TPCN1: variants seen among roughly 807,000 people sequenced by gnomAD.
The protein encoded by TPCN1 is two pore segment channel 1.
TPCN1 carries 52 observed loss-of-function variants against 108.8 expected under a neutral mutation model. The observed-to-expected ratio is 0.48, with a 90% CI of 0.38 to 0.60. The LOEUF (loss-of-function observed/expected upper bound fraction) is 0.60. Ranked by LOEUF, TPCN1 falls within the 20% of genes least tolerant of loss-of-function variation. The pLI, the probability that TPCN1 is intolerant of heterozygous loss-of-function variation, is 0.00. For synonymous variants in TPCN1, 446 were observed against 433.7 expected (o/e 1.03, Z -0.35); for missense variants, 806 against 1,072.8 (o/e 0.75, Z 3.47).
chr12:113,237,290 T>C (rs1257155328), intron 2 of TPCN1, among the ~76,000 whole-genome samples: 1 of 151,958 alleles, frequency 6.6e-6, no homozygotes, highest in Non-Finnish European at 1.5e-5. Flanking sequence ...TCTCTGTGTC[T>C]GTCTCCCTGA....
chr12:113,260,355 T>G lies in TPCN1; in HGVS notation c.113-13T>G. The G allele has an allele frequency of 1.3e-6, 2 of 1,488,028 alleles. No individual in the cohort carries two copies. The highest frequency in any genetic ancestry group is 1.8e-6 in the Non-Finnish European group (2 of 1,121,302). The allele number at this position is 1,488,028 out of a possible 1,614,324, so 92.2% of individuals were successfully genotyped here. On this transcript the variant is annotated splice_polypyrimidine_tract_variant and intron_variant, in intron 2 of 27. Coordinates refer to ENST00000335509, the MANE Select transcript of TPCN1 (RefSeq NM_017901.6). ...CTGGGTGCCAAGTGAATCTCTCTCC[T>G]CTTCCAATGCAGATGGCGGCAGCTA... is the stretch of plus-strand genomic sequence containing the variant.
chr12:113,276,791 G>C (rs1593177350), intron 10 of TPCN1, 128 bp from the exon 11 acceptor site: 1 of 688,514 alleles, frequency 1.5e-6, no homozygotes, highest in East Asian at 2.5e-5. Flanking sequence ...AGGCGAGAGG[G>C]TCTCCCCAGG....
intron 2 of TPCN1, chr12:113,244,361 G>A (rs1437667428): frequency 1.0e-6 from 1 of 985,352 alleles, no homozygotes; most frequent in South Asian, 4.7e-5. Context: ...CCTTTCTGAA[G>A]GTTGGTACAT....
rs1303539585 is a variant in TPCN1 at position 113,272,443 on chromosome 12, C to T, written c.749-215C>T. The stretch of plus-strand genomic sequence containing the variant: ...TTGAAAGAACAGAGCCGATAGTGCC[C>T]GGCACATTGCTGTAGGGCAGCAAGC... On this transcript the variant is annotated intron_variant, in intron 7 of 27. Transcript: ENST00000335509. The surrounding 1 kb of genome is among the most constrained non-coding windows in gnomAD (Gnocchi z 4.1). Among the ~76,000 whole-genome samples the T allele has an allele frequency of 3.9e-5, 6 of 152,186 alleles. No individual in the cohort carries two copies. The highest frequency in any genetic ancestry group is 2.1e-4 in the South Asian group (1 of 4,832).
rs779745565 is a variant in TPCN1 at position 113,272,325 on chromosome 12, G to T, written c.749-333G>T. 2.6e-5 allele frequency among the ~76,000 whole-genome samples: 4 copies of T among 152,252 alleles called. No homozygotes were observed. Among genetic ancestry groups the T allele is most frequent in the Non-Finnish European group, 5.9e-5 (4 of 68,048 alleles). ...TTGCGAAACAGCAGCCTGGATTCCA[G>T]ATCCAGCCTACAGATGGGTTTTGTT... On this transcript the variant is annotated intron_variant, in intron 7 of 27. Coordinates refer to ENST00000335509, the MANE Select transcript of TPCN1 (RefSeq NM_017901.6). This position sits in a 1 kb window ranked among gnomAD's most constrained non-coding sequence, Gnocchi z 4.1.
intron 4 of TPCN1, 62 bp from the exon 5 acceptor site, chr12:113,267,781 G>T: frequency 1.7e-6 from 2 of 1,166,692 alleles, no homozygotes; most frequent in Non-Finnish European, 2.6e-6. Flanking sequence ...GGAGGGTTGG[G>T]CAAAGAGGAG....
chr12:113,267,227 G>T (rs994611025), intron 4 of TPCN1, among the ~76,000 whole-genome samples: 1 of 152,186 alleles, frequency 6.6e-6, no homozygotes, highest in Non-Finnish European at 1.5e-5. Flanking sequence ...ATGAGGATGA[G>T]AGTTTTAGGG....
Position 113,296,324 on chromosome 12 carries a change from C to T in TPCN1, c.*248C>T. 1 of 496,398 alleles carries T rather than the reference C, an allele frequency of 2.0e-6. No individual in the cohort carries two copies. Among genetic ancestry groups the T allele is most frequent in the Non-Finnish European group, 3.5e-6 (1 of 283,486 alleles). The allele number at this position is 496,398 out of a possible 1,614,324, so 30.7% of individuals were successfully genotyped here. A position where few individuals can be genotyped will look rare whatever the true frequency, so the allele number is the denominator to read the frequency against. ...TCTGAGCTCTTCCTACTGTGGAAGG[C>T]TCCAGAAGGCCCTTCACAAGGAGAC... On this transcript the variant is annotated 3_prime_UTR_variant, in exon 28 of 28. Coordinates refer to ENST00000335509, the MANE Select transcript of TPCN1 (RefSeq NM_017901.6).
At chr12:113,260,725 A>G (rs1012057846) in intron 3 of TPCN1, among the ~76,000 whole-genome samples, 11 of 152,054 alleles carry the variant, frequency 7.2e-5, no homozygotes, top group African/African-American at 2.4e-4. Context: ...AACCCCCACA[A>G]TTTCCGGAGT....
At chr12:113,294,273 G>C (rs1555271567) in intron 27 of TPCN1, 1 of 152,082 alleles carries the variant, frequency 6.6e-6, no homozygotes, top group Non-Finnish European at 1.5e-5. Flanking sequence ...GTAGCAGTGA[G>C]GTCTTGCTGG....
intron 2 of TPCN1, among the ~76,000 whole-genome samples, chr12:113,230,869 G>A (rs1215526009): frequency 1.3e-5 from 2 of 152,208 alleles, no homozygotes; most frequent in African/African-American, 4.8e-5. Context: ...CCATGGGAGT[G>A]GCAGTGTAAG....
chr12:113,261,152 T>G (rs1955015467), intron 3 of TPCN1, among the ~76,000 whole-genome samples: 1 of 152,058 alleles, frequency 6.6e-6, no homozygotes, highest in African/African-American at 2.4e-5. Context: ...CCACTGCACT[T>G]CAGCCTGGGT....
At chr12:113,274,314 G>T (rs1038529378) in intron 10 of TPCN1, among the ~76,000 whole-genome samples, 5 of 152,074 alleles carry the variant, frequency 3.3e-5, no homozygotes, top group African/African-American at 7.2e-5. Flanking sequence ...TGGGCGTGGT[G>T]GTGGGTGCCT....
rs1956244696 is a variant in TPCN1, at chr12:113,290,898, T to C, written c.1913-54T>C. 3 of 1,569,620 alleles carry C rather than the reference T, an allele frequency of 1.9e-6. No homozygotes were observed. In the Admixed American group the frequency reaches 5.0e-5, roughly 26 times the overall value. ...ATAGGTGGCAAGAGGCCACTTGAAA[T>C]TGACTTTGAAGTGGGGTCTCATCAG... On this transcript the variant is annotated intron_variant, in intron 22 of 27. Coordinates refer to ENST00000335509, the MANE Select transcript of TPCN1 (RefSeq NM_017901.6).
intron 2 of TPCN1, among the ~76,000 whole-genome samples, chr12:113,248,662 G>A (rs981315766): frequency 1.2e-4 from 19 of 152,320 alleles, no homozygotes; most frequent in African/African-American, 4.6e-4. Flanking sequence ...GGCAGCGAGG[G>A]GCAGGCAGGA....
chr12:113,279,309 A>G (rs1198701001), intron 14 of TPCN1, among the ~76,000 whole-genome samples: 11 of 122,672 alleles, frequency 9.0e-5, no homozygotes, highest in African/African-American at 2.3e-4. Flanking sequence ...GTGTGTGTGT[A>G]TATATATATG....
At chr12:113,271,448 A>G (rs1303737968) in intron 7 of TPCN1, among the ~76,000 whole-genome samples, 1 of 152,210 alleles carries the variant, frequency 6.6e-6, no homozygotes, top group African/African-American at 2.4e-5. Context: ...GCACGTCTTT[A>G]TATTTTACTT....
chr12:113,286,188 A>G (rs1325982448), intron 18 of TPCN1, among the ~76,000 whole-genome samples: 1 of 152,174 alleles, frequency 6.6e-6, no homozygotes, highest in African/African-American at 2.4e-5. Context: ...TCCTTCTGGA[A>G]ACGGCCTCTT....
intron 1 of TPCN1, among the ~76,000 whole-genome samples, chr12:113,224,442 G>A (rs558925384): frequency 2.0e-5 from 3 of 152,288 alleles, no homozygotes; most frequent in African/African-American, 7.2e-5. Flanking sequence ...TGTCGCCCAG[G>A]CTGGAGTGCA....
Sources: gnomAD v4.1 joint callset for allele counts (sites outside exome capture counted in the v4.1 genomes callset) on GRCh38, gnomAD v4.1.1 for gene constraint, Gnocchi (gnomAD v3.1) non-coding constraint, MANE v1.5 for transcripts, NCBI Gene and HGNC (gene_info 2026-07-23, HGNC 2026-07-21) for gene names.